Variants in ASB2 observed in about 807,000 individuals in gnomAD.
ASB2 encodes ankyrin repeat and SOCS box protein 2.
A neutral mutation model predicts 62.4 loss-of-function variants in ASB2; 58 were observed. That is an observed-to-expected ratio of 0.93 (90% CI 0.75 to 1.16). ASB2 has a LOEUF of 1.16. Among genes scored for constraint, ASB2 ranks in the 50% most tolerant of loss-of-function variants. The probability of loss-of-function intolerance (pLI) is 0.00; values close to 1 mark genes in which losing one functional copy is unlikely to be tolerated. For missense variants in ASB2, 928 were observed against 887.9 expected, an observed-to-expected ratio of 1.05 and a Z score of -0.57; for synonymous variants, 386 against 385.3, an observed-to-expected ratio of 1.00 and a Z score of -0.02.
rs1229671090 is a variant in ASB2 at position 93,956,813 on chromosome 14, C to T, written c.264G>A (p.Gly88=). The change falls in exon 3 of 10, where the codon GGG becomes GGA. Residue 88 remains glycine, a synonymous_variant. Coordinates refer to ENST00000555019, the MANE Select transcript of ASB2 (RefSeq NM_001202429.2). ...AGCTGCTGCTGTATTTCTGCATGACCCCTTGGAACAAGCCCATTGGGGCCC... is the reference window on the plus strand; with the variant it reads ...AGCTGCTGCTGTATTTCTGCATGACTCCTTGGAACAAGCCCATTGGGGCCC... ...PARAPMGLFQ[G]VMQKYSSSLF... 4 of 1,614,082 alleles carry T rather than the reference C, an allele frequency of 2.5e-6. No homozygotes were observed. Among genetic ancestry groups the T allele is most frequent in the South Asian group, 1.1e-5 (1 of 91,088 alleles).
chr14:93,952,673 ATGTCT>A (rs1398943412), intron 5 of ASB2, among the ~76,000 whole-genome samples: 1 of 152,180 alleles, frequency 6.6e-6, no homozygotes, highest in East Asian at 1.9e-4. Context: ...GACCCATTTA[ATGTCT>A]TGGTGCCTTA....
chr14:93,945,912 C>T (rs1037035908), intron 7 of ASB2, among the ~76,000 whole-genome samples: 3 of 152,172 alleles, frequency 2.0e-5, no homozygotes, highest in Admixed American at 2.0e-4. Context: ...CTGGAAGATT[C>T]GGGTGTGTTT....
chr14:93,967,898 C>T (rs1017895713), intron 1 of ASB2, among the ~76,000 whole-genome samples: 2 of 152,218 alleles, frequency 1.3e-5, no homozygotes, highest in African/African-American at 4.8e-5. Context: ...GGGCAGGTCA[C>T]TTCCCCTTTT....
intron 2 of ASB2, 70 bp downstream of exon 2, chr14:93,964,264 G>T: frequency 7.2e-7 from 1 of 1,389,636 alleles, no homozygotes; most frequent in Non-Finnish European, 9.9e-7. Flanking sequence ...TGGATTAACA[G>T]CATTAGGGAT....
intron 7 of ASB2, chr14:93,943,892 G>T (rs1266164995): frequency 6.6e-6 from 3 of 455,028 alleles, no homozygotes; most frequent in South Asian, 4.7e-5. Flanking sequence ...ATTCTAGGAA[G>T]AATTTCAAGT....
rs1008231182 is a variant in ASB2 at position 93,954,286 on chromosome 14, C to A, written c.478+31G>T. On this transcript the variant is annotated intron_variant, in intron 4 of 9. Coordinates refer to ENST00000555019, the MANE Select transcript of ASB2 (RefSeq NM_001202429.2). The stretch of plus-strand genomic sequence containing the variant: ...AGCCCTTCCCCTAGTCCCTTTCCCA[C>A]CTCTTGCCACCGTCAGAGCCCAGCC... The A allele has an allele frequency of 2.5e-6, 4 of 1,598,402 alleles. No homozygotes were observed. The African/African-American group carries it at 5.4e-5, about 21-fold the overall frequency.
At chr14:93,945,225 C>T (rs1040230326) in intron 7 of ASB2, among the ~76,000 whole-genome samples, 9 of 152,144 alleles carry the variant, frequency 5.9e-5, no homozygotes, top group East Asian at 3.8e-4. Flanking sequence ...CAAAGTGCAC[C>T]CACTTCCCGT....
At position 93,951,180 on chromosome 14, in the gene ASB2, G is replaced by A; in HGVS notation, c.699C>T (p.His233=). ...GAGCGGTCCAGCCGCGGTTGCAGCGGTGGTTGGTGTCTGCATTGTGCTGCA... is the reference window on the plus strand; with the variant it reads ...GAGCGGTCCAGCCGCGGTTGCAGCGATGGTTGGTGTCTGCATTGTGCTGCA... ...ILVQHNADTN[H]RCNRGWTALH... The change falls in exon 6 of 10, where the codon CAC becomes CAT. Residue 233 remains histidine, a synonymous_variant. Transcript: ENST00000555019. 6.2e-7 allele frequency: 1 copy of A among 1,613,806 alleles called. No homozygotes were observed. Among genetic ancestry groups the A allele is most frequent in the Non-Finnish European group, 8.5e-7 (1 of 1,179,944 alleles).
chr14:93,942,229 C>T, intron 7 of ASB2: 1 of 456,092 alleles, frequency 2.2e-6, no homozygotes, highest in Non-Finnish European at 4.4e-6. Flanking sequence ...AGTATAATTG[C>T]TCAAGCGGCA....
chr14:93,960,965 A>AAAT (rs1889387036), intron 2 of ASB2, among the ~76,000 whole-genome samples: 1 of 151,184 alleles, frequency 6.6e-6, no homozygotes, highest in Admixed American at 6.6e-5. Context: ...ATAAATAAAT[A>AAAT]AATAAATAAA....
intron 9 of ASB2, among the ~76,000 whole-genome samples, chr14:93,936,304 T>C (rs1888268813): frequency 6.6e-6 from 1 of 152,248 alleles, no homozygotes; most frequent in Non-Finnish European, 1.5e-5. Flanking sequence ...TTGGTTTTAC[T>C]GGCTAACAAA....
Position 93,956,746 on chromosome 14 carries a change from G to A in ASB2, c.311+20C>T, listed in dbSNP as rs750111909. On this transcript the variant is annotated intron_variant, in intron 3 of 9. Coordinates refer to ENST00000555019, the MANE Select transcript of ASB2 (RefSeq NM_001202429.2). ...CGGAGTGAACTTGGATGGTCCTGGG[G>A]CCAGACAGGAGTCACTTACGCCAGC... The A allele has an allele frequency of 1.1e-5, 18 of 1,613,766 alleles. No individual in the cohort carries two copies. The highest frequency in any genetic ancestry group is 1.4e-5 in the Non-Finnish European group (17 of 1,179,910).
At chr14:93,967,381 C>T (rs529704157) in intron 1 of ASB2, among the ~76,000 whole-genome samples, 9 of 152,326 alleles carry the variant, frequency 5.9e-5, no homozygotes, top group African/African-American at 2.2e-4. Context: ...TACCCCACCG[C>T]CTGGTGCAAG....
At chr14:93,960,765 G>A (rs114234838) in intron 2 of ASB2, among the ~76,000 whole-genome samples, 443 of 152,230 alleles carry the variant, frequency 2.9e-3, no homozygotes, top group African/African-American at 0.01. Context: ...ACAGAATTCT[G>A]TTTTCTTTGG....
intron 1 of ASB2, among the ~76,000 whole-genome samples, chr14:93,964,902 C>G (rs751644981): frequency 6.6e-6 from 1 of 152,110 alleles, no homozygotes; most frequent in Non-Finnish European, 1.5e-5. Flanking sequence ...ATCCACCCCT[C>G]TATACATATA....
At position 93,950,997 on chromosome 14, in the gene ASB2, A is replaced by G; in HGVS notation, c.880+2T>C. 6.2e-7 allele frequency: 1 copy of G among 1,612,170 alleles called. No individual in the cohort carries two copies. The highest frequency in any genetic ancestry group is 8.5e-7 in the Non-Finnish European group (1 of 1,178,964). On this transcript the variant is annotated splice_donor_variant, in intron 6 of 9. Coordinates refer to ENST00000555019, the MANE Select transcript of ASB2 (RefSeq NM_001202429.2). LOFTEE classifies it high-confidence loss of function. ...ATGACCTAGGGACCCTTAGCCACTCACCGTACTTGGCTAAGAACCTCAAGG... is the reference window on the plus strand; with the variant it reads ...ATGACCTAGGGACCCTTAGCCACTCGCCGTACTTGGCTAAGAACCTCAAGG...
intron 1 of ASB2, among the ~76,000 whole-genome samples, chr14:93,971,948 C>T (rs1423766230): frequency 1.3e-5 from 2 of 149,392 alleles, no homozygotes; most frequent in Non-Finnish European, 3.0e-5. Context: ...TACATACACG[C>T]TACATGTATT....
In ASB2 at chr14:93,951,325, A is replaced by G. The variant is rs1194492918; in HGVS notation, c.635-81T>C. 5.4e-6 allele frequency: 8 copies of G among 1,469,990 alleles called. No homozygotes were observed. The African/African-American group carries it at 1.1e-4, about 20-fold the overall frequency. 91.1% of individuals were successfully genotyped at this position (1,469,990 alleles called of 1,614,324 possible). A position where few individuals can be genotyped will look rare whatever the true frequency, so the allele number is the denominator to read the frequency against. ...AGAGACTGCATTCATTCGCCTGTCC[A>G]TTCACTCATCCACTCATTCAGCTTT... On this transcript the variant is annotated intron_variant, in intron 5 of 9. Coordinates refer to ENST00000555019, the MANE Select transcript of ASB2 (RefSeq NM_001202429.2).
At chr14:93,937,528 G>A (rs1218267746) in intron 9 of ASB2, among the ~76,000 whole-genome samples, 170 bp downstream of exon 9, 1 of 152,202 alleles carries the variant, frequency 6.6e-6, no homozygotes, top group Non-Finnish European at 1.5e-5. Flanking sequence ...CTTTGGCCCA[G>A]GTGGCACAGC....
Sources: gnomAD v4.1 joint callset for allele counts (sites outside exome capture counted in the v4.1 genomes callset) on GRCh38, gnomAD v4.1.1 for gene constraint, MANE v1.5 for transcripts, NCBI Gene and HGNC (gene_info 2026-07-23, HGNC 2026-07-21) for gene names.